Variants in MCOLN1 observed in about 807,000 individuals in gnomAD.
The protein encoded by MCOLN1 is mucolipin TRP cation channel 1.
In MCOLN1, 50 loss-of-function variants were observed where a neutral mutation model predicts 70.3. The ratio of observed to expected loss-of-function variants is 0.71; its 90% CI spans 0.57 to 0.90. MCOLN1 has a LOEUF of 0.90. Among genes scored for constraint, MCOLN1 ranks in the 40% least tolerant of loss-of-function variants. MCOLN1 has a pLI of 0.00. For synonymous variants in MCOLN1, 366 were observed against 341.0 expected (o/e 1.07, Z -0.81); for missense variants, 598 against 803.5 (o/e 0.74, Z 3.09).
At chr19:7,530,100 G>A (rs574440312) in intron 11 of MCOLN1, among the ~76,000 whole-genome samples, 186 bp from the exon 12 acceptor site, 28 of 151,688 alleles carry the variant, frequency 1.8e-4, no homozygotes, top group Admixed American at 5.9e-4. Flanking sequence ...CCTGGGACCC[G>A]GCCATTCACA....
chr19:7,528,278 C>T lies in MCOLN1; in HGVS notation c.877+21C>T. On this transcript the variant is annotated intron_variant, in intron 7 of 13. Transcript: ENST00000264079. This position sits in a 1 kb window ranked among gnomAD's most constrained non-coding sequence, Gnocchi z 4.2. ...GCACGGTGAGCCCCTGAGCCCCAGA[C>T]CAGCACTGACCAGGGGCCCTGGCCT... The T allele has an allele frequency of 3.1e-6, 5 of 1,603,904 alleles. No homozygotes were observed. Among genetic ancestry groups the T allele is most frequent in the South Asian group, 1.1e-5 (1 of 90,856 alleles).
intron 10 of MCOLN1, 130 bp downstream of exon 10, chr19:7,529,332 C>T (rs1290866979): frequency 3.2e-6 from 3 of 943,370 alleles, no homozygotes; most frequent in Non-Finnish European, 5.0e-6. Flanking sequence ...TACCTGCCCA[C>T]ACCAGATATA....
chr19:7,526,315 GCCCTGCCCCA>G lies in MCOLN1; in HGVS notation c.238-120_238-111del. The G allele has an allele frequency of 8.7e-7, 1 of 1,149,928 alleles. No individual in the cohort carries two copies. The highest frequency in any genetic ancestry group is 1.3e-6 in the Non-Finnish European group (1 of 761,282). The allele number at this position is 1,149,928 out of a possible 1,614,324, so 71.2% of individuals were successfully genotyped here. A position where few individuals can be genotyped will look rare whatever the true frequency, so the allele number is the denominator to read the frequency against. ...CGTGTTTGTGGCCCAAGTTAGCAGGGCCCTGCCCCACCCCAGTGGACATCTGCAGGGCCCT... is the reference window on the plus strand; with the variant it reads ...CGTGTTTGTGGCCCAAGTTAGCAGGGCCCCAGTGGACATCTGCAGGGCCCT... On this transcript the variant is annotated intron_variant, in intron 2 of 13. Coordinates refer to ENST00000264079, the MANE Select transcript of MCOLN1 (RefSeq NM_020533.3). This position sits in a 1 kb window ranked among gnomAD's most constrained non-coding sequence, Gnocchi z 4.6.
chr19:7,532,783 C>A (rs1254965583), intron 12 of MCOLN1, among the ~76,000 whole-genome samples: 1 of 152,198 alleles, frequency 6.6e-6, no homozygotes, highest in African/African-American at 2.4e-5. Flanking sequence ...TAGCCTCTGA[C>A]TTGCACCATC....
chr19:7,533,899 G>C lies in MCOLN1; in HGVS notation c.*104G>C, dbSNP rs2022715901. Reference sequence around the variant, plus strand: ...GTTTGCTTTTAAGGATCGGCTCCCTGTCGCGCCCGAGGAGGGCCTGGACCT... The same window carrying C: ...GTTTGCTTTTAAGGATCGGCTCCCTCTCGCGCCCGAGGAGGGCCTGGACCT... On this transcript the variant is annotated 3_prime_UTR_variant, in exon 14 of 14. Transcript: ENST00000264079. 1 of 1,440,686 alleles carries C rather than the reference G, an allele frequency of 6.9e-7. No individual in the cohort carries two copies. The highest frequency in any genetic ancestry group is 1.9e-5 in the Admixed American group (1 of 53,442). 89.2% of individuals were successfully genotyped at this position (1,440,686 alleles called of 1,614,324 possible). A position where few individuals can be genotyped will look rare whatever the true frequency, so the allele number is the denominator to read the frequency against.
Position 7,526,427 on chromosome 19 carries a change from C to A in MCOLN1, c.238-12C>A, listed in dbSNP as rs752229244. The stretch of plus-strand genomic sequence containing the variant: ...ATCCTAGCCATGCCAACCTCTACTA[C>A]CCTCTCCCCAGCTCATCCTGTTTGG... On this transcript the variant is annotated splice_polypyrimidine_tract_variant and intron_variant, in intron 2 of 13. Coordinates refer to ENST00000264079, the MANE Select transcript of MCOLN1 (RefSeq NM_020533.3). This position sits in a 1 kb window ranked among gnomAD's most constrained non-coding sequence, Gnocchi z 4.6. 3 of 1,614,254 alleles carry A rather than the reference C, an allele frequency of 1.9e-6. No individual in the cohort carries two copies. Among genetic ancestry groups the A allele is most frequent in the Non-Finnish European group, 2.5e-6 (3 of 1,180,036 alleles).
intron 11 of MCOLN1, among the ~76,000 whole-genome samples, chr19:7,529,937 C>T (rs901958876): frequency 2.0e-5 from 3 of 152,236 alleles, no homozygotes; most frequent in South Asian, 2.1e-4. Flanking sequence ...GACCCTAGGT[C>T]GGCCCTGTGG....
chr19:7,523,479 G>GT (rs2022524007), intron 1 of MCOLN1, among the ~76,000 whole-genome samples: 1 of 152,214 alleles, frequency 6.6e-6, no homozygotes, highest in Middle Eastern at 3.2e-3. Flanking sequence ...TGGCTTTGTC[G>GT]TAAACAGCCA....
chr19:7,533,192 C>T (rs953567164), intron 12 of MCOLN1, among the ~76,000 whole-genome samples: 1 of 152,258 alleles, frequency 6.6e-6, no homozygotes, highest in Non-Finnish European at 1.5e-5. Context: ...CCTGCTCCCA[C>T]TGCTGTGCTC....
chr19:7,527,271 CAAAAAAAAAAAAAA>C (rs562144613), intron 4 of MCOLN1: 15 of 235,824 alleles, frequency 6.4e-5, no homozygotes, highest in Non-Finnish European at 1.2e-4. Flanking sequence ...GACCCTGTCT[CAAAAAAAAAAAAAA>C]AAAAAAAAAA....
At chr19:7,523,261 C>G (rs1415226146) in intron 1 of MCOLN1, among the ~76,000 whole-genome samples, 1 of 152,232 alleles carries the variant, frequency 6.6e-6, no homozygotes, top group East Asian at 1.9e-4. Context: ...CTTTCCAAAC[C>G]GCTGGAAGCG....
chr19:7,528,390 C>A lies in MCOLN1; in HGVS notation c.877+133C>A, dbSNP rs1294910862. The A allele has an allele frequency of 9.0e-6, 9 of 1,004,092 alleles. No homozygotes were observed. Among genetic ancestry groups the A allele is most frequent in the South Asian group, 1.4e-5 (1 of 71,292 alleles). The allele number at this position is 1,004,092 out of a possible 1,614,324, so 62.2% of individuals were successfully genotyped here. On this transcript the variant is annotated intron_variant, in intron 7 of 13. Transcript: ENST00000264079. The surrounding 1 kb of genome is among the most constrained non-coding windows in gnomAD (Gnocchi z 4.2). ...CCGCTGAGCCTCAGATCAGCACAGA[C>A]CAGGGACCCCGTCCTGTGCTGAGAT...
chr19:7,529,138 G>C lies in MCOLN1; in HGVS notation c.1172G>C (p.Gly391Ala). 1 of 1,613,874 alleles carries C rather than the reference G, an allele frequency of 6.2e-7. No individual in the cohort carries two copies. The highest frequency in any genetic ancestry group is 8.5e-7 in the Non-Finnish European group (1 of 1,180,018). The change falls in exon 10 of 14, where the codon GGC becomes GCC. Residue 391 changes from glycine to alanine, a missense_variant. By Grantham distance (60) the Gly-to-Ala change is moderately conservative. Coordinates refer to ENST00000264079, the MANE Select transcript of MCOLN1 (RefSeq NM_020533.3). Reference sequence around the variant, plus strand: ...TACGACGTCTGCAGCATCCTCCTGGGCACCTCGACGCTGCTGGTGTGGGTG... The same window carrying C: ...TACGACGTCTGCAGCATCCTCCTGGCCACCTCGACGCTGCTGGTGTGGGTG... ...ASYDVCSILL[G>A]TSTLLVWVGV...
chr19:7,533,467 G>A, intron 12 of MCOLN1, 56 bp from the exon 13 acceptor site: 1 of 1,603,924 alleles, frequency 6.2e-7, no homozygotes, highest in Non-Finnish European at 8.5e-7. Flanking sequence ...CGGACTTCAA[G>A]GGCCTTGGAG....
In MCOLN1 at chr19:7,528,667, C is replaced by T. The variant is rs759397627; in HGVS notation, c.948C>T (p.Cys316=). The stretch of plus-strand genomic sequence containing the variant: ...CCTGCTCCCTGTCCTTCCTCCTCTG[C>T]GCCCGCTCACTCCTTCGAGGCTTCC... ...ILTCSLSFLL[C]ARSLLRGFLL... The change falls in exon 8 of 14, where the codon TGC becomes TGT. Residue 316 remains cysteine, a synonymous_variant. Coordinates refer to ENST00000264079, the MANE Select transcript of MCOLN1 (RefSeq NM_020533.3). This position sits in a 1 kb window ranked among gnomAD's most constrained non-coding sequence, Gnocchi z 4.2. 9.9e-6 allele frequency: 16 copies of T among 1,614,098 alleles called. No individual in the cohort carries two copies. Among genetic ancestry groups the T allele is most frequent in the Admixed American group, 6.7e-5 (4 of 60,012 alleles).
Position 7,529,574 on chromosome 19 carries a change from C to A in MCOLN1, c.1237-16C>A, listed in dbSNP as rs750316918. The A allele has an allele frequency of 1.9e-6, 3 of 1,612,604 alleles. No homozygotes were observed. In the South Asian group the frequency reaches 3.3e-5, roughly 18 times the overall value. On this transcript the variant is annotated splice_polypyrimidine_tract_variant and intron_variant, in intron 10 of 13. Transcript: ENST00000264079. ...GTGGCCACACCCTCAACGAGGCTCC[C>A]TCTGCCCCAACCCAGATCCTCATCG...
chr19:7,533,690 TTAGGGAA>T, intron 13 of MCOLN1, 37 bp downstream of exon 13: 1 of 1,614,002 alleles, frequency 6.2e-7, no homozygotes, highest in African/African-American at 1.3e-5. Context: ...AGATTGGAGG[TTAGGGAA>T]TGGGGAAAGG....
chr19:7,528,446 G>A lies in MCOLN1; in HGVS notation c.878-151G>A. 6 of 1,099,204 alleles carry A rather than the reference G, an allele frequency of 5.5e-6. 1 individual carries two copies. In the South Asian group the frequency reaches 8.5e-5, roughly 16 times the overall value. The allele number at this position is 1,099,204 out of a possible 1,614,324, so 68.1% of individuals were successfully genotyped here. On this transcript the variant is annotated intron_variant, in intron 7 of 13. Transcript: ENST00000264079. This position sits in a 1 kb window ranked among gnomAD's most constrained non-coding sequence, Gnocchi z 4.2. ...AAGCCCCAGACCAGCACTGACCGGG[G>A]TTCTTGACTCACCCCAAGCAAGCCC...
Position 7,526,271 on chromosome 19 carries a change from G to A in MCOLN1, c.238-168G>A. 2.5e-6 allele frequency: 2 copies of A among 795,340 alleles called. No homozygotes were observed. Among genetic ancestry groups the A allele is most frequent in the East Asian group, 4.9e-5 (2 of 40,876 alleles). The allele number at this position is 795,340 out of a possible 1,614,324, so 49.3% of individuals were successfully genotyped here. A position where few individuals can be genotyped will look rare whatever the true frequency, so the allele number is the denominator to read the frequency against. ...GTGGGGTGAAATTAATCAAAGCAAA[G>A]AAATGCACAAGTGAAATCCGTGTTT... On this transcript the variant is annotated intron_variant, in intron 2 of 13. Coordinates refer to ENST00000264079, the MANE Select transcript of MCOLN1 (RefSeq NM_020533.3). The surrounding 1 kb of genome is among the most constrained non-coding windows in gnomAD (Gnocchi z 4.6).
Sources: gnomAD v4.1 joint callset for allele counts (sites outside exome capture counted in the v4.1 genomes callset) on GRCh38, gnomAD v4.1.1 for gene constraint, Gnocchi (gnomAD v3.1) non-coding constraint, MANE v1.5 for transcripts, NCBI Gene and HGNC (gene_info 2026-07-23, HGNC 2026-07-21) for gene names.